The following PCSK7 variants were observed in gnomAD, a reference collection of about 807,000 sequenced individuals.
The protein encoded by PCSK7 is proprotein convertase subtilisin/kexin type 7.
A neutral mutation model predicts 73.3 loss-of-function variants in PCSK7; 38 were observed. The ratio of observed to expected loss-of-function variants is 0.52; its 90% CI spans 0.40 to 0.68. The LOEUF is 0.68. Among genes scored for constraint, PCSK7 ranks in the 30% least tolerant of loss-of-function variants. The pLI is 0.00. For missense variants in PCSK7, 692 were observed against 991.5 expected, an observed-to-expected ratio of 0.70 and a Z score of 4.06; for synonymous variants, 296 against 383.8, an observed-to-expected ratio of 0.77 and a Z score of 2.68.
In PCSK7 at chr11:117,227,683, C is replaced by T. The variant is rs572265329; in HGVS notation, c.604-361G>A. Among the ~76,000 whole-genome samples the T allele has an allele frequency of 1.1e-4, 17 of 152,284 alleles. No homozygotes were observed. The South Asian group carries it at 2.3e-3, about 20-fold the overall frequency. On this transcript the variant is annotated intron_variant, in intron 4 of 16. Coordinates refer to ENST00000320934, the MANE Select transcript of PCSK7 (RefSeq NM_004716.4). ...GTCTCAAACTCCTGACCTCCTGATC[C>T]GCCCGCCTTGGCTTCCCAAAGTGCT...
In PCSK7 at chr11:117,229,544, G is replaced by C. The variant is rs1477495624; in HGVS notation, c.301C>G (p.Pro101Ala). ...TCCAGGGCCGGCCTGTGCCCAGCAGGCTGGACAAAGAGGTAGTGCCCCTGA... is the reference window on the plus strand; with the variant it reads ...TCCAGGGCCGGCCTGTGCCCAGCAGCCTGGACAAAGAGGTAGTGCCCCTGA... ...ELQGHYLFVQ[P>A]AGHRPALEVE... The change falls in exon 3 of 17, where the codon CCT (proline) becomes GCT (alanine). Residue 101 changes from proline (P) to alanine (A), a missense_variant. Around this residue, in one of 6 missense-constraint regions of PCSK7, gnomAD observed 574 missense variants for 689.8 expected, o/e 0.83. Transcript: ENST00000320934. 1 of 1,613,460 alleles carries C rather than the reference G, an allele frequency of 6.2e-7. No individual in the cohort carries two copies. Among genetic ancestry groups the C allele is most frequent in the Non-Finnish European group, 8.5e-7 (1 of 1,180,040 alleles).
Position 117,204,925 on chromosome 11 carries a change from AG to A in PCSK7, c.*1071del, listed in dbSNP as rs1486470321. On this transcript the variant is annotated 3_prime_UTR_variant, in exon 17 of 17. Transcript: ENST00000320934. ...CCTCTGAAGGACCCTTCATGTGCCA[AG>A]ATTCCAGGACAGTCAGATTCTTTCA... is the stretch of plus-strand genomic sequence containing the variant. The A allele has an allele frequency of 1.9e-5, 4 of 210,326 alleles. No individual in the cohort carries two copies. In the Admixed American group the frequency reaches 2.1e-4, roughly 11 times the overall value. 13.0% of individuals were successfully genotyped at this position (210,326 alleles called of 1,614,324 possible). A position where few individuals can be genotyped will look rare whatever the true frequency, so the allele number is the denominator to read the frequency against.
chr11:117,229,627 T>C lies in PCSK7; in HGVS notation c.218A>G (p.Gln73Arg), dbSNP rs1449919508. ...TGCTGCCTGGGCCAAGGCATCCGCC[T>C]GCTGCTCCAGAGTCTCTTCCTCCCC... is the stretch of plus-strand genomic sequence containing the variant. ...GDGEEETLEQ[Q>R]ADALAQAAGL... Residue 73 changes from glutamine (Q) to arginine (R), a missense_variant, in exon 3 of 17, where the codon CAG becomes CGG. This residue lies in a region of PCSK7 where 574 missense variants were observed against 689.8 expected (regional missense o/e 0.83). Coordinates refer to ENST00000320934, the MANE Select transcript of PCSK7 (RefSeq NM_004716.4). The C allele has an allele frequency of 1.2e-6, 2 of 1,614,074 alleles. No individual in the cohort carries two copies. The highest frequency in any genetic ancestry group is 3.3e-5 in the Admixed American group (2 of 60,030).
intron 12 of PCSK7, chr11:117,217,428 G>A (rs2032030441): frequency 1.3e-5 from 2 of 152,222 alleles, no homozygotes; most frequent in Admixed American, 6.5e-5. Flanking sequence ...CTTGGCTGAC[G>A]CTTTATGCCC....
chr11:117,229,219 T>A (rs1254793354), intron 3 of PCSK7, among the ~76,000 whole-genome samples, 158 bp downstream of exon 3: 1 of 152,018 alleles, frequency 6.6e-6, no homozygotes, highest in East Asian at 1.9e-4. Flanking sequence ...TAGAAGACAG[T>A]AGAAGGGAGG....
intron 8 of PCSK7, 52 bp from the exon 9 acceptor site, chr11:117,223,360 C>A (rs774985274): frequency 2.1e-4 from 227 of 1,090,158 alleles, no homozygotes; most frequent in Admixed American, 1.0e-4. Flanking sequence ...GGTCCTGTGG[C>A]AGGGGCTTGC....
intron 9 of PCSK7, 104 bp from the exon 10 acceptor site, chr11:117,219,862 G>T: frequency 1.3e-6 from 1 of 784,118 alleles, no homozygotes; most frequent in South Asian, 2.1e-5. Flanking sequence ...CAGGCAGGAG[G>T]ATTGCTTGAG....
At chr11:117,231,698 G>A (rs2032674818) in intron 1 of PCSK7, 1 of 152,276 alleles carries the variant, frequency 6.6e-6, no homozygotes, top group African/African-American at 2.4e-5. Flanking sequence ...CAAGGAAGAA[G>A]AGAATGGGCA....
intron 1 of PCSK7, among the ~76,000 whole-genome samples, chr11:117,230,694 G>A (rs1470530534): frequency 6.6e-6 from 1 of 152,116 alleles, no homozygotes; most frequent in African/African-American, 2.4e-5. Context: ...TTTTCATTTT[G>A]TTCCCCAGAG....
In PCSK7 at chr11:117,228,323, T is replaced by C. The variant is rs1404359082; in HGVS notation, c.496A>G (p.Ile166Val). ...LNNRRSPGRD[I>V]NVTGVWERNV... ...CGTTCCCACACACCCGTCACGTTGA[T>C]GTCCCTGCCCGGGCTCCGTCGGTTA... The change falls in exon 4 of 17, where the codon ATC (isoleucine) becomes GTC (valine). Residue 166 changes from isoleucine to valine, a missense_variant. This residue lies in a region of PCSK7 where 574 missense variants were observed against 689.8 expected (regional missense o/e 0.83). Coordinates refer to ENST00000320934, the MANE Select transcript of PCSK7 (RefSeq NM_004716.4). The C allele has an allele frequency of 6.2e-7, 1 of 1,614,112 alleles. No homozygotes were observed. The highest frequency in any genetic ancestry group is 8.5e-7 in the Non-Finnish European group (1 of 1,179,976).
intron 12 of PCSK7, 195 bp from the exon 13 acceptor site, chr11:117,209,248 T>G: frequency 1.9e-6 from 1 of 525,558 alleles, no homozygotes; most frequent in East Asian, 3.3e-5. Flanking sequence ...TCGAGTGCAG[T>G]TGGGAAGACG....
At chr11:117,223,943 G>T in intron 8 of PCSK7, 135 bp downstream of exon 8, 1 of 893,166 alleles carries the variant, frequency 1.1e-6, no homozygotes, top group Non-Finnish European at 1.8e-6. Flanking sequence ...TCTGCAAGCA[G>T]GGCTAGTCCT....
In PCSK7 at chr11:117,204,705, G is replaced by C. The variant is rs1476955819; in HGVS notation, c.*1292C>G. On this transcript the variant is annotated 3_prime_UTR_variant, in exon 17 of 17. Coordinates refer to ENST00000320934, the MANE Select transcript of PCSK7 (RefSeq NM_004716.4). ...TTGGCGGCAAAAGCCCATTGAAGAA[G>C]AACCAGCCCAGCCTGCCCCCTATCT... is the stretch of plus-strand genomic sequence containing the variant. 5.9e-6 allele frequency: 2 copies of C among 337,660 alleles called. No homozygotes were observed. Among genetic ancestry groups the C allele is most frequent in the Admixed American group, 8.2e-5 (2 of 24,460 alleles). 20.9% of individuals were successfully genotyped at this position (337,660 alleles called of 1,614,324 possible). A position where few individuals can be genotyped will look rare whatever the true frequency, so the allele number is the denominator to read the frequency against.
chr11:117,218,388 G>A lies in PCSK7; in HGVS notation c.1534+78C>T. 1 of 727,964 alleles carries A rather than the reference G, an allele frequency of 1.4e-6. No individual in the cohort carries two copies. 45.1% of individuals were successfully genotyped at this position (727,964 alleles called of 1,614,324 possible). On this transcript the variant is annotated intron_variant, in intron 12 of 16. Coordinates refer to ENST00000320934, the MANE Select transcript of PCSK7 (RefSeq NM_004716.4). This position sits in a 1 kb window ranked among gnomAD's most constrained non-coding sequence, Gnocchi z 4.0. The stretch of plus-strand genomic sequence containing the variant: ...CCGAAAGGGGGTAGAATCTGGCAGG[G>A]AGGACGAGTTTAACTTCCTTGTCAC...
rs1565298092 is a variant in PCSK7 at position 117,205,760 on chromosome 11, CCT to C, written c.*235_*236del. The C allele has an allele frequency of 9.7e-6, 4 of 412,812 alleles. No homozygotes were observed. The highest frequency in any genetic ancestry group is 1.8e-4 in the South Asian group (2 of 10,836). 25.6% of individuals were successfully genotyped at this position (412,812 alleles called of 1,614,324 possible). ...CCAAACCAAAGGGGGGCGCCAATCC[CCT>C]GTCCAACACCTTCTCACCAAAAGCT... On this transcript the variant is annotated 3_prime_UTR_variant, in exon 17 of 17. Transcript: ENST00000320934.
intron 12 of PCSK7, chr11:117,215,043 C>T (rs1025586173): frequency 1.3e-5 from 2 of 152,232 alleles, no homozygotes; most frequent in South Asian, 2.1e-4. Context: ...GCCCCAATCC[C>T]CTCTCCCTCA....
chr11:117,210,488 AGCTAGGACTACAGGTGCAC>A (rs2031679770), intron 12 of PCSK7: 1 of 151,726 alleles, frequency 6.6e-6, no homozygotes, highest in African/African-American at 2.4e-5. Context: ...CTTCCCAAGT[AGCTAGGACTACAGGTGCAC>A]GCCACCATGG....
intron 9 of PCSK7, 57 bp from the exon 10 acceptor site, chr11:117,219,815 G>C: frequency 1.4e-6 from 2 of 1,390,428 alleles, no homozygotes; most frequent in South Asian, 2.8e-5. Context: ...GCTGGGGACA[G>C]TGGTGTGCAC....
chr11:117,219,522 A>G, intron 10 of PCSK7, 69 bp downstream of exon 10: 1 of 1,438,452 alleles, frequency 7.0e-7, no homozygotes, highest in East Asian at 2.3e-5. Flanking sequence ...TTGAGAATCT[A>G]AGGCCACCTG....
Sources: gnomAD v4.1 joint callset for allele counts (sites outside exome capture counted in the v4.1 genomes callset) on GRCh38, gnomAD v4.1.1 for gene constraint, gnomAD v4.1.1 regional missense constraint, Gnocchi (gnomAD v3.1) non-coding constraint, MANE v1.5 for transcripts, NCBI Gene and HGNC (gene_info 2026-07-23, HGNC 2026-07-21) for gene names.